Variants in RPS6KC1 observed in about 807,000 individuals in gnomAD.
RPS6KC1 encodes the protein ribosomal protein S6 kinase C1, also known as inactive ribosomal protein S6 kinase delta-1.
RPS6KC1 carries 54 observed loss-of-function variants against 103.8 expected under a neutral mutation model. The ratio of observed to expected loss-of-function variants is 0.52; its 90% CI spans 0.42 to 0.65. The LOEUF is 0.65. Ranked by LOEUF, RPS6KC1 falls within the 30% of genes least tolerant of loss-of-function variation. RPS6KC1 has a pLI of 0.00. For synonymous variants in RPS6KC1, 439 were observed against 438.7 expected, an observed-to-expected ratio of 1.00 and a Z score of -0.01; for missense variants, 1,151 against 1,253.8, an observed-to-expected ratio of 0.92 and a Z score of 1.24.
At chr1:213,728,190 C>T in the RPS6KC1 span, among the ~76,000 whole-genome samples, 1 of 151,856 alleles carries the variant, frequency 6.6e-6, no homozygotes, top group Non-Finnish European at 1.5e-5. Context: ...GTGAGATAAA[C>T]CCGCGGTGAA....
At chr1:213,363,682 CTT>C in the RPS6KC1 span, among the ~76,000 whole-genome samples, 39 of 105,012 alleles carry the variant, frequency 3.7e-4, 3 homozygotes, top group African/African-American at 1.8e-3. Context: ...TTCTTTCTTT[CTT>C]TCTTTCTTTC....
At chr1:213,563,528 C>T in the RPS6KC1 span, among the ~76,000 whole-genome samples, 2 of 151,900 alleles carry the variant, frequency 1.3e-5, no homozygotes, top group East Asian at 1.9e-4. Context: ...TTCTTTTACT[C>T]TTCATTCCCA....
the RPS6KC1 span, among the ~76,000 whole-genome samples, chr1:213,366,535 A>T: frequency 6.6e-6 from 1 of 152,244 alleles, no homozygotes; most frequent in Admixed American, 6.5e-5. Context: ...AGTCTCCATC[A>T]TTCCTGTTCA....
the RPS6KC1 span, among the ~76,000 whole-genome samples, chr1:213,536,364 T>TA: frequency 6.6e-6 from 1 of 152,190 alleles, no homozygotes; most frequent in Non-Finnish European, 1.5e-5. Context: ...GAGGAAAAGA[T>TA]AGTGTCCCTT....
At chr1:213,743,206 A>G in the RPS6KC1 span, among the ~76,000 whole-genome samples, 3 of 152,226 alleles carry the variant, frequency 2.0e-5, no homozygotes, top group Non-Finnish European at 2.9e-5. Context: ...CTACACAGTC[A>G]TAAAAAAGAA....
chr1:213,691,243 C>T, the RPS6KC1 span, among the ~76,000 whole-genome samples: 1 of 152,218 alleles, frequency 6.6e-6, no homozygotes, highest in Non-Finnish European at 1.5e-5. Context: ...TGAAAATCCC[C>T]AATCAGGACA....
At chr1:213,356,841 C>T in the RPS6KC1 span, among the ~76,000 whole-genome samples, 12 of 152,154 alleles carry the variant, frequency 7.9e-5, no homozygotes, top group Middle Eastern at 6.8e-3. Flanking sequence ...TAGGAGCCTG[C>T]CTGGGGAAGA....
chr1:213,715,310 T>C, the RPS6KC1 span, among the ~76,000 whole-genome samples: 2 of 152,236 alleles, frequency 1.3e-5, no homozygotes, highest in Non-Finnish European at 2.9e-5. Flanking sequence ...GCTCTTAACA[T>C]AGCTAGCTGA....
chr1:213,673,252 T>C, the RPS6KC1 span, among the ~76,000 whole-genome samples: 10,735 of 152,258 alleles, frequency 0.071, 1,081 homozygotes, highest in African/African-American at 0.22. Flanking sequence ...TGTCAGGAGA[T>C]AAGCTGGAAT....
At chr1:213,244,664 A>T (rs2094425109) in intron 12 of RPS6KC1, among the ~76,000 whole-genome samples, 1 of 152,198 alleles carries the variant, frequency 6.6e-6, no homozygotes, top group South Asian at 2.1e-4. Flanking sequence ...TCATCAACAG[A>T]TACACACTTT....
At chr1:213,288,883 A>G in the RPS6KC1 span, among the ~76,000 whole-genome samples, 4,211 of 152,224 alleles carry the variant, frequency 0.028, 190 homozygotes, top group African/African-American at 0.096. Context: ...AGAGGACATC[A>G]TCTCTCCACC....
chr1:213,596,532 C>T, the RPS6KC1 span, among the ~76,000 whole-genome samples: 3 of 152,246 alleles, frequency 2.0e-5, no homozygotes, highest in Admixed American at 6.5e-5. Context: ...TTTTCACTAT[C>T]AACATGTGTC....
the RPS6KC1 span, among the ~76,000 whole-genome samples, chr1:213,384,608 G>A: frequency 5.3e-5 from 8 of 152,226 alleles, no homozygotes; most frequent in South Asian, 1.0e-3. Flanking sequence ...ATCGAAGGCC[G>A]ACTGTCACCA....
the RPS6KC1 span, among the ~76,000 whole-genome samples, chr1:213,635,933 A>G: frequency 7.7e-4 from 117 of 152,364 alleles, 2 homozygotes; most frequent in African/African-American, 2.6e-3. Flanking sequence ...CAGGATACAA[A>G]ATCAATGTGC....
chr1:213,705,937 G>A, the RPS6KC1 span, among the ~76,000 whole-genome samples: 4 of 152,314 alleles, frequency 2.6e-5, no homozygotes, highest in East Asian at 5.8e-4. Flanking sequence ...CTATGTTGCT[G>A]TAGCTGAGCA....
the RPS6KC1 span, among the ~76,000 whole-genome samples, chr1:213,734,461 G>T: frequency 7.0e-6 from 1 of 142,878 alleles, no homozygotes; most frequent in Non-Finnish European, 1.5e-5. Context: ...TAGGGATTTT[G>T]TCAGTTGTAC....
chr1:213,313,477 T>C, the RPS6KC1 span, among the ~76,000 whole-genome samples: 1 of 152,188 alleles, frequency 6.6e-6, no homozygotes, highest in Non-Finnish European at 1.5e-5. Flanking sequence ...TGCATTTTCA[T>C]TGTTTATATC....
At chr1:213,799,195 GA>G in the RPS6KC1 span, among the ~76,000 whole-genome samples, 2 of 152,186 alleles carry the variant, frequency 1.3e-5, no homozygotes, top group Non-Finnish European at 2.9e-5. Context: ...TTCATTTTAA[GA>G]AGACCTGTGT....
At chr1:213,625,334 T>C in the RPS6KC1 span, among the ~76,000 whole-genome samples, 1 of 152,370 alleles carries the variant, frequency 6.6e-6, no homozygotes, top group South Asian at 2.1e-4. Context: ...ATGTGTGTAC[T>C]TATGCAATAT....
Sources: gnomAD v4.1 joint callset for allele counts (sites outside exome capture counted in the v4.1 genomes callset) on GRCh38, gnomAD v4.1.1 for gene constraint, MANE v1.5 for transcripts, NCBI Gene and HGNC (gene_info 2026-07-23, HGNC 2026-07-21) for gene names.